Variants in GRIA2 observed in about 807,000 individuals in gnomAD.
GRIA2 encodes glutamate receptor 2.
GRIA2 carries 14 observed loss-of-function variants against 97.3 expected under a neutral mutation model. That is an observed-to-expected ratio of 0.14 (90% CI 0.10 to 0.23). The LOEUF (loss-of-function observed/expected upper bound fraction) is 0.23. Ranked by LOEUF, GRIA2 falls within the 10% of genes least tolerant of loss-of-function variation. GRIA2 has a pLI of 1.00. For missense variants in GRIA2, 558 were observed against 1,069.8 expected (o/e 0.52, Z 6.67); for synonymous variants, 412 against 387.8 (o/e 1.06, Z -0.73).
At chr4:157,245,979 C>G (rs531856521) in intron 2 of GRIA2, among the ~76,000 whole-genome samples, 70 of 152,198 alleles carry the variant, frequency 4.6e-4, no homozygotes, top group Non-Finnish European at 1.5e-4. Context: ...TCGTCATATA[C>G]AACCTCATTC....
At chr4:157,338,632 T>C (rs2126945691) in intron 11 of GRIA2, among the ~76,000 whole-genome samples, 1 of 152,242 alleles carries the variant, frequency 6.6e-6, no homozygotes, top group Non-Finnish European at 1.5e-5. Flanking sequence ...CAATTTCACA[T>C]GTAGTAACTT....
At chr4:157,315,064 A>G (rs1579356541) in intron 4 of GRIA2, among the ~76,000 whole-genome samples, 1 of 152,338 alleles carries the variant, frequency 6.6e-6, no homozygotes. Flanking sequence ...AAGGGTTCAC[A>G]TAAGACGTGG....
chr4:157,254,007 C>A (rs1313956118), intron 2 of GRIA2, among the ~76,000 whole-genome samples: 1 of 151,598 alleles, frequency 6.6e-6, no homozygotes, highest in Non-Finnish European at 1.5e-5. Flanking sequence ...AAAGTACACG[C>A]ACACACACAT....
Position 157,235,445 on chromosome 4 carries a change from T to C in GRIA2, c.229+13638T>C, listed in dbSNP as rs547101358. Reference sequence around the variant, plus strand: ...TTACATTAGTCTCGGTAATAGACATTATTTCTAGATCATTTATAAATATTA... The same window carrying C: ...TTACATTAGTCTCGGTAATAGACATCATTTCTAGATCATTTATAAATATTA... On this transcript the variant is annotated intron_variant, in intron 2 of 15. Coordinates refer to ENST00000264426, the MANE Select transcript of GRIA2 (RefSeq NM_001083619.3). Among the ~76,000 whole-genome samples, 18 of 152,208 alleles carry C rather than the reference T, an allele frequency of 1.2e-4. No homozygotes were observed. In the South Asian group the frequency reaches 3.7e-3, roughly 32 times the overall value.
At chr4:157,301,074 G>A (rs759923229) in intron 2 of GRIA2, among the ~76,000 whole-genome samples, 12 of 152,140 alleles carry the variant, frequency 7.9e-5, no homozygotes, top group Non-Finnish European at 1.6e-4. Flanking sequence ...ATAGTACCTA[G>A]ATGACATGCC....
At chr4:157,355,897 A>C (rs1280764740) in intron 12 of GRIA2, among the ~76,000 whole-genome samples, 1 of 3,406 alleles carries the variant, frequency 2.9e-4, no homozygotes, top group African/African-American at 5.6e-4. Flanking sequence ...ATATATTTAT[A>C]TATAAATATA....
chr4:157,276,482 A>G (rs1465631661), intron 2 of GRIA2, among the ~76,000 whole-genome samples: 3 of 152,038 alleles, frequency 2.0e-5, no homozygotes, highest in Non-Finnish European at 4.4e-5. Flanking sequence ...CTGGATAATG[A>G]AGAGCAAATA....
intron 2 of GRIA2, among the ~76,000 whole-genome samples, chr4:157,226,971 A>G (rs537665338): frequency 2.0e-5 from 3 of 152,294 alleles, no homozygotes; most frequent in South Asian, 4.1e-4. Context: ...AAGTATTTTC[A>G]GTTAAAATTT....
chr4:157,289,793 A>G (rs943362578), intron 2 of GRIA2, among the ~76,000 whole-genome samples: 3 of 151,894 alleles, frequency 2.0e-5, no homozygotes, highest in Non-Finnish European at 4.4e-5. Flanking sequence ...AAAATAAAAG[A>G]AAAGAATTTT....
At chr4:157,350,876 G>A (rs1735979954) in intron 12 of GRIA2, among the ~76,000 whole-genome samples, 1 of 150,448 alleles carries the variant, frequency 6.6e-6, no homozygotes, top group African/African-American at 2.4e-5. Context: ...TGAACTGATT[G>A]AAGCTACATG....
intron 4 of GRIA2, 150 bp downstream of exon 4, chr4:157,313,025 C>T (rs1247600087): frequency 2.2e-6 from 1 of 458,636 alleles, no homozygotes; most frequent in East Asian, 3.4e-5. Flanking sequence ...ATTAAATTAT[C>T]TCTGGCTTCA....
intron 2 of GRIA2, among the ~76,000 whole-genome samples, chr4:157,292,445 A>T (rs937331164): frequency 2.0e-5 from 3 of 152,066 alleles, no homozygotes; most frequent in Admixed American, 6.6e-5. Flanking sequence ...AACATCCCAG[A>T]ATAGTTTGAA....
intron 12 of GRIA2, among the ~76,000 whole-genome samples, chr4:157,358,543 A>G (rs1736494311): frequency 1.3e-5 from 2 of 152,172 alleles, no homozygotes; most frequent in South Asian, 4.1e-4. Context: ...GAATGTTGAC[A>G]TATCTTTAGA....
At chr4:157,250,977 T>C (rs552298992) in intron 2 of GRIA2, among the ~76,000 whole-genome samples, 2 of 152,238 alleles carry the variant, frequency 1.3e-5, no homozygotes, top group African/African-American at 4.8e-5. Flanking sequence ...TGCTCTGTTT[T>C]TCTCCTTTCA....
intron 2 of GRIA2, among the ~76,000 whole-genome samples, chr4:157,226,293 G>A (rs944893427): frequency 8.6e-5 from 13 of 151,946 alleles, no homozygotes; most frequent in African/African-American, 3.1e-4. Context: ...CACACCGAAT[G>A]CCTTTTAAAA....
chr4:157,332,598 T>C (rs183440317), intron 6 of GRIA2, among the ~76,000 whole-genome samples: 29 of 152,158 alleles, frequency 1.9e-4, no homozygotes, highest in African/African-American at 6.3e-4. Flanking sequence ...GCTGAGATAT[T>C]AACATAATAG....
intron 12 of GRIA2, among the ~76,000 whole-genome samples, chr4:157,343,051 AAGCTAGTTG>A (rs1282998973): frequency 6.6e-6 from 1 of 152,102 alleles, no homozygotes; most frequent in African/African-American, 2.4e-5. Context: ...CAAGACAAGA[AAGCTAGTTG>A]AGTTTGGGAA....
Position 157,221,719 on chromosome 4 carries a change from G to A in GRIA2, c.141G>A (p.Gly47=), listed in dbSNP as rs1391288110. Residue 47 remains glycine, a synonymous_variant, in exon 2 of 16, where the codon GGG becomes GGA. Coordinates refer to ENST00000264426, the MANE Select transcript of GRIA2 (RefSeq NM_001083619.3). ...AAGAATACAGTGCATTTCGAGTAGG[G>A]ATGGTTCAGTTTTCCACTTCGGAGT... The part of the protein sequence containing the change: ...ADQEYSAFRV[G]MVQFSTSEFR... The A allele has an allele frequency of 6.2e-7, 1 of 1,613,962 alleles. No homozygotes were observed. The highest frequency in any genetic ancestry group is 8.5e-7 in the Non-Finnish European group (1 of 1,179,922).
At chr4:157,342,640 T>G in intron 12 of GRIA2, 1 of 170,814 alleles carries the variant, frequency 5.9e-6, no homozygotes, top group Non-Finnish European at 1.2e-5. Flanking sequence ...AAAATGTATG[T>G]TCCTCAATTA....
Sources: gnomAD v4.1 joint callset for allele counts (sites outside exome capture counted in the v4.1 genomes callset) on GRCh38, gnomAD v4.1.1 for gene constraint, MANE v1.5 for transcripts, NCBI Gene and HGNC (gene_info 2026-07-23, HGNC 2026-07-21) for gene names.